USP3: variants seen among roughly 807,000 people sequenced by gnomAD.
USP3 encodes the protein ubiquitin carboxyl-terminal hydrolase 3.
In USP3, 20 loss-of-function variants were observed where a neutral mutation model predicts 72.3. That is an observed-to-expected ratio of 0.28 (90% confidence interval 0.19 to 0.40). The LOEUF (loss-of-function observed/expected upper bound fraction) is 0.40. USP3 is among the 10% of genes least tolerant of loss of function. USP3 has a pLI of 1.00. For synonymous variants in USP3, 222 were observed against 225.3 expected, an observed-to-expected ratio of 0.99 and a Z score of 0.13; for missense variants, 479 against 633.9, an observed-to-expected ratio of 0.76 and a Z score of 2.62.
At position 63,561,408 on chromosome 15, in the gene USP3, C is replaced by T. The variant is rs543426142; in HGVS notation, c.647+1438C>T. Among the ~76,000 whole-genome samples, 11 of 152,270 alleles carry T rather than the reference C, an allele frequency of 7.2e-5. No homozygotes were observed. The South Asian group carries it at 1.9e-3, about 26-fold the overall frequency. The stretch of plus-strand genomic sequence containing the variant: ...GGTCTGGAGTCCGAGGCAGCAGCAC[C>T]GCAGTCACAGTCACCCCACAGAACT... On this transcript the variant is annotated intron_variant, in intron 7 of 14. Transcript: ENST00000380324.
At chr15:63,531,092 C>T (rs1289456500) in intron 1 of USP3, among the ~76,000 whole-genome samples, 1 of 152,170 alleles carries the variant, frequency 6.6e-6, no homozygotes, top group Non-Finnish European at 1.5e-5. Flanking sequence ...TTTCACCACT[C>T]AAAGCTTTCA....
At chr15:63,559,820 T>C (rs765313906) in intron 6 of USP3, 37 bp from the exon 7 acceptor site, 2 of 1,552,762 alleles carry the variant, frequency 1.3e-6, no homozygotes, top group Non-Finnish European at 1.7e-6. Flanking sequence ...TCCTATTCTT[T>C]TCTTTTTAAA....
intron 1 of USP3, among the ~76,000 whole-genome samples, chr15:63,507,188 A>C (rs1380240884): frequency 6.6e-6 from 1 of 152,050 alleles, no homozygotes; most frequent in Non-Finnish European, 1.5e-5. Flanking sequence ...TGTTCTTATT[A>C]AGGAGGGGAA....
intron 3 of USP3, among the ~76,000 whole-genome samples, chr15:63,542,968 T>C (rs907997757): frequency 3.3e-5 from 5 of 152,182 alleles, no homozygotes; most frequent in African/African-American, 1.2e-4. Flanking sequence ...GGGACTCTAG[T>C]AGAAAACAGC....
intron 3 of USP3, among the ~76,000 whole-genome samples, chr15:63,547,743 AGG>A (rs1491257472): frequency 0.02 from 153 of 7,626 alleles, 2 homozygotes; most frequent in African/African-American, 0.069. Flanking sequence ...AGAGAGAGAG[AGG>A]GAGGGAGGGA....
rs140309846 is a variant in USP3 at position 63,574,523 on chromosome 15, C to A, written c.1096+120C>A. 5.7e-4 allele frequency: 394 copies of A among 697,278 alleles called. No individual in the cohort carries two copies. In the African/African-American group the frequency reaches 6.8e-3, roughly 12 times the overall value. The allele number at this position is 697,278 out of a possible 1,614,324, so 43.2% of individuals were successfully genotyped here. On this transcript the variant is annotated intron_variant, in intron 11 of 14. Coordinates refer to ENST00000380324, the MANE Select transcript of USP3 (RefSeq NM_006537.4). This position sits in a 1 kb window ranked among gnomAD's most constrained non-coding sequence, Gnocchi z 4.6. ...TTAATGAATCTGTGTTGTAACTTAA[C>A]AAAAGTCAAACTTGAATGTCTTTTC...
intron 11 of USP3, among the ~76,000 whole-genome samples, chr15:63,587,259 G>A (rs577654475): frequency 5.2e-4 from 79 of 152,242 alleles, no homozygotes; most frequent in African/African-American, 1.8e-3. Context: ...AGGAGAGGCC[G>A]TGCACAGAGA....
intron 1 of USP3, among the ~76,000 whole-genome samples, chr15:63,512,008 G>A (rs914791934): frequency 2.8e-5 from 4 of 144,258 alleles, no homozygotes; most frequent in Non-Finnish European, 4.5e-5. Context: ...CCAGGCTGGA[G>A]TGTGATGGCA....
In USP3 at chr15:63,574,212, T is replaced by C; in HGVS notation, c.1015+60T>C. 7.1e-7 allele frequency: 1 copy of C among 1,407,374 alleles called. No homozygotes were observed. Among genetic ancestry groups the C allele is most frequent in the Non-Finnish European group, 9.5e-7 (1 of 1,058,146 alleles). The allele number at this position is 1,407,374 out of a possible 1,614,324, so 87.2% of individuals were successfully genotyped here. A position where few individuals can be genotyped will look rare whatever the true frequency, so the allele number is the denominator to read the frequency against. On this transcript the variant is annotated intron_variant, in intron 10 of 14. Coordinates refer to ENST00000380324, the MANE Select transcript of USP3 (RefSeq NM_006537.4). The surrounding 1 kb of genome is among the most constrained non-coding windows in gnomAD (Gnocchi z 4.6). ...TTATTAAAATAAATTTAATGTTTCCTTCAAAAAATAAGTGTAAAGAGAAAT... is the reference window on the plus strand; with the variant it reads ...TTATTAAAATAAATTTAATGTTTCCCTCAAAAAATAAGTGTAAAGAGAAAT...
At chr15:63,577,910 G>A (rs1423056330) in intron 11 of USP3, among the ~76,000 whole-genome samples, 2 of 142,316 alleles carry the variant, frequency 1.4e-5, no homozygotes, top group African/African-American at 5.4e-5. Flanking sequence ...GCCTGGGTGA[G>A]AGAGTGAGAC....
chr15:63,508,879 A>G (rs2065747835), intron 1 of USP3, among the ~76,000 whole-genome samples: 1 of 152,218 alleles, frequency 6.6e-6, no homozygotes, highest in African/African-American at 2.4e-5. Flanking sequence ...TTAAGTTTTC[A>G]GTACACACTT....
At chr15:63,518,708 C>T (rs1398890406) in intron 1 of USP3, among the ~76,000 whole-genome samples, 1 of 152,024 alleles carries the variant, frequency 6.6e-6, no homozygotes, top group Non-Finnish European at 1.5e-5. Flanking sequence ...ATATATTTCC[C>T]CTTATTAATT....
At chr15:63,518,826 C>G (rs570260086) in intron 1 of USP3, among the ~76,000 whole-genome samples, 3 of 151,836 alleles carry the variant, frequency 2.0e-5, no homozygotes, top group Non-Finnish European at 4.4e-5. Flanking sequence ...AGTGCAGTGG[C>G]GTGATCTCGG....
intron 8 of USP3, among the ~76,000 whole-genome samples, chr15:63,568,192 A>C (rs564871134): frequency 7.2e-5 from 11 of 151,936 alleles, no homozygotes; most frequent in Admixed American, 2.6e-4. Flanking sequence ...TCTCTACCAA[A>C]AATACAAAAA....
intron 7 of USP3, 57 bp downstream of exon 7, chr15:63,560,027 C>T (rs2066579544): frequency 7.5e-6 from 11 of 1,475,518 alleles, no homozygotes; most frequent in Non-Finnish European, 9.3e-6. Context: ...ATTACTTTCA[C>T]TGGTGGTTTC....
In USP3 at chr15:63,570,384, A is replaced by C; in HGVS notation, c.762-49A>C. ...TGGCCTCTTGCTGGTGTGGCTGGGC[A>C]CAAAGAGCCCTCCACCCGGCCTTAT... On this transcript the variant is annotated intron_variant, in intron 8 of 14. Coordinates refer to ENST00000380324, the MANE Select transcript of USP3 (RefSeq NM_006537.4). The surrounding 1 kb of genome is among the most constrained non-coding windows in gnomAD (Gnocchi z 4.4). 6.2e-7 allele frequency: 1 copy of C among 1,611,002 alleles called. No individual in the cohort carries two copies. The highest frequency in any genetic ancestry group is 8.5e-7 in the Non-Finnish European group (1 of 1,179,316).
chr15:63,521,445 G>A (rs7174884), intron 1 of USP3, among the ~76,000 whole-genome samples: 8,321 of 152,244 alleles, frequency 0.055, 701 homozygotes, highest in African/African-American at 0.19. Flanking sequence ...AATACTTCAA[G>A]CTATTTGTCT....
At chr15:63,587,847 A>G (rs1301691841) in intron 11 of USP3, 1 of 152,428 alleles carries the variant, frequency 6.6e-6, no homozygotes, top group Non-Finnish European at 1.5e-5. Flanking sequence ...AGGAACTGAG[A>G]GTACAGCGTC....
intron 1 of USP3, among the ~76,000 whole-genome samples, chr15:63,521,716 C>T (rs2065923194): frequency 6.6e-6 from 1 of 152,174 alleles, no homozygotes; most frequent in Admixed American, 6.5e-5. Flanking sequence ...GGATACTTCT[C>T]TCTTCCATTT....
Sources: allele counts gnomAD v4.1 joint callset (sites outside exome capture counted in the v4.1 genomes callset), GRCh38; gene constraint gnomAD v4.1.1; non-coding constraint Gnocchi (gnomAD v3.1); transcripts MANE v1.5; gene names NCBI Gene and HGNC (gene_info 2026-07-23, HGNC 2026-07-21).